The following NRXN3 variants were observed in gnomAD, a reference collection of about 807,000 sequenced individuals.
NRXN3 encodes neurexin III.
In NRXN3, 32 loss-of-function variants were observed where a neutral mutation model predicts 137.6. The observed-to-expected ratio is 0.23, with a 90% CI of 0.18 to 0.31. NRXN3 has a LOEUF of 0.31. Ranked by LOEUF, NRXN3 falls within the 10% of genes least tolerant of loss-of-function variation. The pLI is 1.00. For missense variants in NRXN3, 1,574 were observed against 2,062.5 expected, an observed-to-expected ratio of 0.76 and a Z score of 4.59; for synonymous variants, 798 against 784.5, an observed-to-expected ratio of 1.02 and a Z score of -0.29.
rs575577169 is a variant in NRXN3 at position 79,585,457 on chromosome 14, C to A, written c.3445-78321C>A. 2.6e-5 allele frequency among the ~76,000 whole-genome samples: 4 copies of A among 152,124 alleles called. No individual in the cohort carries two copies. The East Asian group carries it at 7.8e-4, about 30-fold the overall frequency. On this transcript the variant is annotated intron_variant, in intron 16 of 20. Transcript: ENST00000335750. Reference sequence around the variant, plus strand: ...AACCCAGCACTTTGGGAGGCCAGGGCAGGCAGATCACTAGGTCAAGAGATT... The same window carrying A: ...AACCCAGCACTTTGGGAGGCCAGGGAAGGCAGATCACTAGGTCAAGAGATT...
intron 16 of NRXN3, among the ~76,000 whole-genome samples, chr14:79,520,630 T>G (rs2097054857): frequency 6.6e-6 from 1 of 152,226 alleles, no homozygotes; most frequent in Admixed American, 6.5e-5. Flanking sequence ...CATCCTTTTT[T>G]ATGCCTGCAT....
At chr14:79,107,277 G>T (rs1167064941) in intron 15 of NRXN3, among the ~76,000 whole-genome samples, 6 of 152,074 alleles carry the variant, frequency 3.9e-5, no homozygotes, top group African/African-American at 1.4e-4. Context: ...CAGTAGTGTG[G>T]TCTTCTTTGA....
intron 16 of NRXN3, among the ~76,000 whole-genome samples, chr14:79,597,375 T>C (rs1468327601): frequency 6.6e-6 from 1 of 152,200 alleles, no homozygotes; most frequent in Non-Finnish European, 1.5e-5. Context: ...AGATGTGTGA[T>C]TTAAATTAGT....
chr14:78,867,651 G>A (rs1186784894), intron 10 of NRXN3, among the ~76,000 whole-genome samples: 1 of 152,102 alleles, frequency 6.6e-6, no homozygotes, highest in African/African-American at 2.4e-5. Context: ...CGTTCTTCCT[G>A]TACCTGGAGG....
chr14:78,853,412 A>C (rs993865589), intron 10 of NRXN3, among the ~76,000 whole-genome samples: 1 of 152,138 alleles, frequency 6.6e-6, no homozygotes, highest in African/African-American at 2.4e-5. Flanking sequence ...GCAGGGGTAC[A>C]TGTGCAGGTT....
intron 16 of NRXN3, among the ~76,000 whole-genome samples, chr14:79,515,210 T>C (rs72690763): frequency 6.7e-6 from 1 of 150,336 alleles, no homozygotes; most frequent in Non-Finnish European, 1.5e-5. Context: ...CTGTGAAAAG[T>C]AGGGAAAGAA....
intron 20 of NRXN3, among the ~76,000 whole-genome samples, chr14:79,805,741 C>G (rs990588419): frequency 6.6e-6 from 1 of 152,074 alleles, no homozygotes; most frequent in African/African-American, 2.4e-5. Flanking sequence ...TATCTTTGTA[C>G]TAATTTTGTT....
chr14:79,256,500 C>T (rs886907098), intron 15 of NRXN3, among the ~76,000 whole-genome samples: 9 of 152,154 alleles, frequency 5.9e-5, no homozygotes, highest in Non-Finnish European at 1.3e-4. Context: ...CCCCCTAGCA[C>T]CTCCACGCTT....
At chr14:79,197,010 G>A (rs2065231482) in intron 15 of NRXN3, among the ~76,000 whole-genome samples, 1 of 152,108 alleles carries the variant, frequency 6.6e-6, no homozygotes, top group Admixed American at 6.5e-5. Flanking sequence ...GGTTATATAG[G>A]CTTTGCTCAG....
intron 19 of NRXN3, among the ~76,000 whole-genome samples, chr14:79,784,967 A>C (rs533016180): frequency 1.3e-5 from 2 of 152,322 alleles, no homozygotes; most frequent in African/African-American, 4.8e-5. Flanking sequence ...CTGCAGGATG[A>C]ATTTCAAAAC....
chr14:78,882,044 G>GT (rs1167809105), intron 10 of NRXN3, among the ~76,000 whole-genome samples: 2 of 151,758 alleles, frequency 1.3e-5, no homozygotes, highest in Non-Finnish European at 2.9e-5. Flanking sequence ...GTTTCAAAAG[G>GT]TGTAAGCCCC....
intron 19 of NRXN3, among the ~76,000 whole-genome samples, chr14:79,710,395 G>GTGTC (rs1247911272): frequency 2.0e-5 from 3 of 152,138 alleles, no homozygotes; most frequent in East Asian, 1.9e-4. Flanking sequence ...ATAAACCACA[G>GTGTC]TGTCTGATTC....
intron 19 of NRXN3, among the ~76,000 whole-genome samples, chr14:79,752,409 C>T (rs1471105630): frequency 9.9e-5 from 15 of 152,094 alleles, no homozygotes; most frequent in South Asian, 2.1e-4. Context: ...TCAGAAATAA[C>T]GCTGCATATC....
chr14:78,840,274 T>A (rs1186130335), intron 10 of NRXN3, among the ~76,000 whole-genome samples: 2 of 152,204 alleles, frequency 1.3e-5, no homozygotes, highest in Non-Finnish European at 2.9e-5. Flanking sequence ...TAAGTTCTGT[T>A]ACCTGAAGAG....
chr14:78,912,706 G>A (rs2099242462), intron 10 of NRXN3, among the ~76,000 whole-genome samples: 1 of 152,168 alleles, frequency 6.6e-6, no homozygotes, highest in South Asian at 2.1e-4. Context: ...TTGAATAAAT[G>A]TGGGCAGCAG....
chr14:79,831,626 C>G (rs2099323966), intron 20 of NRXN3, among the ~76,000 whole-genome samples: 1 of 152,116 alleles, frequency 6.6e-6, no homozygotes, highest in Non-Finnish European at 1.5e-5. Context: ...CGGCCCAGCT[C>G]CATCACTCTA....
intron 8 of NRXN3, among the ~76,000 whole-genome samples, chr14:78,754,835 C>CTT (rs36056842): frequency 0.11 from 16,018 of 143,216 alleles, 1,007 homozygotes; most frequent in African/African-American, 0.17. Context: ...TCAGTATACA[C>CTT]TTTTTTTTTT....
chr14:78,708,740 A>G (rs1488486931), intron 6 of NRXN3, among the ~76,000 whole-genome samples: 3 of 152,156 alleles, frequency 2.0e-5, no homozygotes, highest in African/African-American at 4.8e-5. Context: ...TCACTTAACA[A>G]TGTGACCTGG....
intron 4 of NRXN3, among the ~76,000 whole-genome samples, chr14:78,586,544 A>G (rs2097064555): frequency 6.6e-6 from 1 of 152,222 alleles, no homozygotes; most frequent in South Asian, 2.1e-4. Context: ...CTCTTACAGC[A>G]TCTACTTCTA....
Sources: gnomAD v4.1 joint callset for allele counts (sites outside exome capture counted in the v4.1 genomes callset) on GRCh38, gnomAD v4.1.1 for gene constraint, MANE v1.5 for transcripts, NCBI Gene and HGNC (gene_info 2026-07-23, HGNC 2026-07-21) for gene names.